Variants in ITPK1 observed in about 807,000 individuals in gnomAD.
ITPK1 encodes the protein inositol-tetrakisphosphate 1-kinase.
In ITPK1, 21 loss-of-function variants were observed where a neutral mutation model predicts 45.3. That is an observed-to-expected ratio of 0.46 (90% CI 0.33 to 0.67). The LOEUF (loss-of-function observed/expected upper bound fraction) is 0.67. Ranked by LOEUF, ITPK1 falls within the 30% of genes least tolerant of loss-of-function variation. The pLI is 0.02. For synonymous variants in ITPK1, 258 were observed against 253.6 expected (o/e 1.02, Z -0.16); for missense variants, 474 against 573.5 (o/e 0.83, Z 1.77).
chr14:93,021,336 T>C (rs142895019), intron 3 of ITPK1, among the ~76,000 whole-genome samples: 2,710 of 152,174 alleles, frequency 0.018, 71 homozygotes, highest in African/African-American at 0.062. Flanking sequence ...CTTGTGCCTG[T>C]AATCCCAGCA....
intron 2 of ITPK1, among the ~76,000 whole-genome samples, chr14:93,083,739 T>C (rs1891537570): frequency 6.6e-6 from 1 of 152,128 alleles, no homozygotes; most frequent in Non-Finnish European, 1.5e-5. Flanking sequence ...GTCACCCATG[T>C]GTGTTGATGG....
At chr14:92,989,708 C>T (rs1443147635) in intron 5 of ITPK1, among the ~76,000 whole-genome samples, 1 of 152,122 alleles carries the variant, frequency 6.6e-6, no homozygotes, top group African/African-American at 2.4e-5. Context: ...CCAGGGAATG[C>T]TTAATTTCTA....
intron 3 of ITPK1, among the ~76,000 whole-genome samples, chr14:93,040,863 G>A (rs1343884969): frequency 1.3e-5 from 2 of 152,150 alleles, no homozygotes; most frequent in African/African-American, 4.8e-5. Context: ...CCATCACCTG[G>A]ATGGAAGGCC....
chr14:93,115,841 G>C lies in ITPK1; in HGVS notation c.-212C>G, dbSNP rs1450038641. 6.9e-6 allele frequency: 1 copy of C among 145,880 alleles called. No homozygotes were observed. The highest frequency in any genetic ancestry group is 1.5e-5 in the Non-Finnish European group (1 of 65,548). The allele number at this position is 145,880 out of a possible 1,614,324, so 9.0% of individuals were successfully genotyped here. On this transcript the variant is annotated 5_prime_UTR_variant, in exon 1 of 11. Transcript: ENST00000267615. ...GCTGCCCGCCGAGAAGGGCGGCGGCGAGCGCCCGCGCACTCGCCGCCCCTG... is the reference window on the plus strand; with the variant it reads ...GCTGCCCGCCGAGAAGGGCGGCGGCCAGCGCCCGCGCACTCGCCGCCCCTG...
chr14:93,098,686 G>A (rs1018152616), intron 2 of ITPK1, among the ~76,000 whole-genome samples: 3 of 152,178 alleles, frequency 2.0e-5, no homozygotes, highest in African/African-American at 7.2e-5. Flanking sequence ...GCAAAGCAGG[G>A]GTCTGAGCGC....
At chr14:93,078,102 T>C (rs888077878) in intron 2 of ITPK1, among the ~76,000 whole-genome samples, 4 of 152,162 alleles carry the variant, frequency 2.6e-5, no homozygotes, top group Non-Finnish European at 2.9e-5. Flanking sequence ...CAGATGAAGG[T>C]GTAAATGTGT....
At chr14:93,024,448 C>T (rs1377570301) in intron 3 of ITPK1, among the ~76,000 whole-genome samples, 1 of 152,222 alleles carries the variant, frequency 6.6e-6, no homozygotes, top group African/African-American at 2.4e-5. Flanking sequence ...GCGATGAGCA[C>T]ACAGCCAGGG....
chr14:93,099,675 C>T (rs138092028), intron 2 of ITPK1, among the ~76,000 whole-genome samples: 2 of 152,300 alleles, frequency 1.3e-5, no homozygotes, highest in Admixed American at 6.5e-5. Context: ...TCCAGGAAGC[C>T]GCTTCGGGGC....
At chr14:93,015,570 A>G (rs1888134568) in intron 4 of ITPK1, among the ~76,000 whole-genome samples, 4 of 152,224 alleles carry the variant, frequency 2.6e-5, no homozygotes, top group Admixed American at 2.6e-4. Context: ...GATCAAGGAG[A>G]CAGTGTTCAG....
At position 93,047,162 on chromosome 14, in the gene ITPK1, A is replaced by G. The variant is rs573691155; in HGVS notation, c.120+29433T>C. Among the ~76,000 whole-genome samples the G allele has an allele frequency of 3.3e-5, 5 of 152,318 alleles. No individual in the cohort carries two copies. The South Asian group carries it at 1.0e-3, about 32-fold the overall frequency. ...CCACCACTGCCTTTGCCAAGTTTCC[A>G]TCTGTGGACTGCCCTCAACTTAGTT... On this transcript the variant is annotated intron_variant, in intron 3 of 10. Coordinates refer to ENST00000267615, the MANE Select transcript of ITPK1 (RefSeq NM_014216.6).
In ITPK1 at chr14:93,016,870, T is replaced by C. The variant is rs1468925954; in HGVS notation, c.121-69A>G. On this transcript the variant is annotated intron_variant, in intron 3 of 10. Transcript: ENST00000267615. This position sits in a 1 kb window ranked among gnomAD's most constrained non-coding sequence, Gnocchi z 5.0. ...TGAGTCCACTGCCCCCATCCTCTTG[T>C]CCACCCTGGGGCATATCACCAGAGG... is the stretch of plus-strand genomic sequence containing the variant. 1.3e-5 allele frequency: 21 copies of C among 1,591,418 alleles called. No homozygotes were observed. Among genetic ancestry groups the C allele is most frequent in the Middle Eastern group, 1.7e-4 (1 of 5,998 alleles).
At chr14:92,956,259 G>A (rs1884722640) in intron 8 of ITPK1, among the ~76,000 whole-genome samples, 1 of 151,590 alleles carries the variant, frequency 6.6e-6, no homozygotes, top group South Asian at 2.1e-4. Context: ...AGCTGGGACT[G>A]CAGGTGCACA....
chr14:93,014,372 C>G lies in ITPK1; in HGVS notation c.246+2304G>C, dbSNP rs1888069352. On this transcript the variant is annotated intron_variant, in intron 4 of 10. Coordinates refer to ENST00000267615, the MANE Select transcript of ITPK1 (RefSeq NM_014216.6). This position sits in a 1 kb window ranked among gnomAD's most constrained non-coding sequence, Gnocchi z 4.4. ...CCTGGGCTGTGGGCTGTGTGTGTGTCTGGGAAGTGGGCAAGAGGGATAAGA... is the reference window on the plus strand; with the variant it reads ...CCTGGGCTGTGGGCTGTGTGTGTGTGTGGGAAGTGGGCAAGAGGGATAAGA... Among the ~76,000 whole-genome samples the G allele has an allele frequency of 6.6e-6, 1 of 152,154 alleles. No homozygotes were observed. Among genetic ancestry groups the G allele is most frequent in the Non-Finnish European group, 1.5e-5 (1 of 68,032 alleles).
intron 4 of ITPK1, among the ~76,000 whole-genome samples, chr14:93,006,448 G>C (rs1233314265): frequency 7.9e-5 from 12 of 151,608 alleles, no homozygotes; most frequent in Non-Finnish European, 1.5e-4. Flanking sequence ...GGGCGGAGCA[G>C]GGCAGGGGCC....
intron 2 of ITPK1, among the ~76,000 whole-genome samples, chr14:93,107,461 G>C (rs915883354): frequency 6.6e-6 from 1 of 152,104 alleles, no homozygotes; most frequent in Admixed American, 6.5e-5. Context: ...AGATTCTGAC[G>C]GCGAGAGAGG....
intron 3 of ITPK1, among the ~76,000 whole-genome samples, chr14:93,037,605 T>C (rs2139903829): frequency 6.6e-6 from 1 of 152,254 alleles, no homozygotes; most frequent in Non-Finnish European, 1.5e-5. Flanking sequence ...GAACTCCTAC[T>C]GGCGAGCCCG....
chr14:93,040,376 AG>A (rs1263796842), intron 3 of ITPK1, among the ~76,000 whole-genome samples: 1 of 152,060 alleles, frequency 6.6e-6, no homozygotes, highest in Non-Finnish European at 1.5e-5. Flanking sequence ...AGGGGTAGGG[AG>A]GGGAGATAGT....
chr14:92,947,781 G>A (rs934217157), intron 9 of ITPK1, among the ~76,000 whole-genome samples: 4 of 152,120 alleles, frequency 2.6e-5, no homozygotes, highest in African/African-American at 9.7e-5. Context: ...GGAAGGGAGT[G>A]GCTGATCCAT....
At chr14:93,089,968 A>G (rs1891800996) in intron 2 of ITPK1, among the ~76,000 whole-genome samples, 1 of 152,178 alleles carries the variant, frequency 6.6e-6, no homozygotes, top group South Asian at 2.1e-4. Context: ...AACTGAGGCC[A>G]GCACAGGCAG....
Sources: allele counts gnomAD v4.1 joint callset (sites outside exome capture counted in the v4.1 genomes callset), GRCh38; gene constraint gnomAD v4.1.1; non-coding constraint Gnocchi (gnomAD v3.1); transcripts MANE v1.5; gene names NCBI Gene and HGNC (gene_info 2026-07-23, HGNC 2026-07-21).